The following B4GALT1 variants were observed in gnomAD, a reference collection of about 807,000 sequenced individuals.
The protein encoded by B4GALT1 is beta-1,4-galactosyltransferase 1.
B4GALT1 carries 16 observed loss-of-function variants against 34.9 expected under a neutral mutation model. The observed-to-expected ratio is 0.46, with a 90% CI of 0.31 to 0.70. B4GALT1 has a LOEUF of 0.70. B4GALT1 is among the 30% of genes least tolerant of loss of function. The pLI is 0.05. For missense variants in B4GALT1, 445 were observed against 530.5 expected, an observed-to-expected ratio of 0.84 and a Z score of 1.58; for synonymous variants, 221 against 218.1, an observed-to-expected ratio of 1.01 and a Z score of -0.12.
chr9:33,133,978 G>T (rs1564043885), intron 2 of B4GALT1, among the ~76,000 whole-genome samples: 1 of 152,168 alleles, frequency 6.6e-6, no homozygotes, highest in Non-Finnish European at 1.5e-5. Context: ...CCAAGCCATT[G>T]CTCTCTCTCC....
rs558603772 is a variant in B4GALT1 at position 33,116,029 on chromosome 9, A to G, written c.921T>C (p.Tyr307=). Residue 307 remains tyrosine (Y), a synonymous_variant, in exon 4 of 6, where the codon TAT becomes TAC. Transcript: ENST00000379731. The part of the protein sequence containing the change: ...FLTINGFPNN[Y]WGWGGEDDDI... ...CATCATCTTCTCCTCCCCAGCCCCA[A>G]TAATTATTAGGAAATCCATTGATGG... 14 of 1,613,078 alleles carry G rather than the reference A, an allele frequency of 8.7e-6. No homozygotes were observed. The highest frequency in any genetic ancestry group is 5.5e-5 in the South Asian group (5 of 91,072).
At chr9:33,107,817 A>C (rs1440635411), downstream of B4GALT1, among the ~76,000 whole-genome samples, 3 of 152,072 alleles carry the variant, frequency 2.0e-5, no homozygotes, top group African/African-American at 7.2e-5. Context: ...TTCCCTCCCC[A>C]AGGCTGCCAT....
intron 4 of B4GALT1, among the ~76,000 whole-genome samples, chr9:33,115,600 A>G (rs1287899876): frequency 1.3e-5 from 2 of 152,232 alleles, no homozygotes; most frequent in African/African-American, 4.8e-5. Context: ...TAAAAATATA[A>G]CACAAAGCTT....
downstream of B4GALT1, among the ~76,000 whole-genome samples, chr9:33,106,267 A>T (rs1364549288): frequency 6.6e-6 from 1 of 152,148 alleles, no homozygotes; most frequent in Non-Finnish European, 1.5e-5. Flanking sequence ...GAGCCTTCTT[A>T]AGGTCAGGAA....
chr9:33,121,904 G>C (rs1321589527), intron 2 of B4GALT1, among the ~76,000 whole-genome samples: 1 of 152,066 alleles, frequency 6.6e-6, no homozygotes, highest in East Asian at 1.9e-4. Context: ...GGGTAGAGTT[G>C]GGAATCTGGT....
upstream of B4GALT1, among the ~76,000 whole-genome samples, chr9:33,167,508 C>T (rs1344715818): frequency 3.3e-5 from 5 of 152,146 alleles, no homozygotes; most frequent in South Asian, 6.2e-4. Context: ...GGCGGGGCGC[C>T]GTCGTGGGGT....
chr9:33,184,003 C>CGCTGGGGCCT, the B4GALT1 span, among the ~76,000 whole-genome samples: 2 of 151,854 alleles, frequency 1.3e-5, no homozygotes. Context: ...GAACATCACA[C>CGCTGGGGCCT]GCTGGGGCCT....
the B4GALT1 span, chr9:33,179,182 G>T: frequency 6.6e-6 from 1 of 152,184 alleles, no homozygotes; most frequent in Admixed American, 6.6e-5. Context: ...CATGACAAAG[G>T]GACTGGATAT....
At chr9:33,183,230 A>G in the B4GALT1 span, among the ~76,000 whole-genome samples, 1 of 152,086 alleles carries the variant, frequency 6.6e-6, no homozygotes, top group African/African-American at 2.4e-5. Context: ...TTGCCTGCTC[A>G]TTAGATAGCT....
At chr9:33,146,203 A>G (rs1840423049) in intron 1 of B4GALT1, among the ~76,000 whole-genome samples, 1 of 152,230 alleles carries the variant, frequency 6.6e-6, no homozygotes, top group African/African-American at 2.4e-5. Flanking sequence ...TCAAGGGCAG[A>G]TTCCTCCTTC....
chr9:33,166,184 C>T (rs764650682), intron 1 of B4GALT1, among the ~76,000 whole-genome samples: 1 of 152,200 alleles, frequency 6.6e-6, no homozygotes, highest in African/African-American at 2.4e-5. Context: ...TTCACAATAT[C>T]TTCCAAAACA....
the B4GALT1 span, among the ~76,000 whole-genome samples, chr9:33,181,305 T>C: frequency 7.2e-5 from 11 of 151,908 alleles, no homozygotes; most frequent in Non-Finnish European, 1.0e-4. Flanking sequence ...GTGTCTGTAG[T>C]CACAACTACT....
At chr9:33,140,900 G>A (rs1840339785) in intron 1 of B4GALT1, among the ~76,000 whole-genome samples, 1 of 152,378 alleles carries the variant, frequency 6.6e-6, no homozygotes. Context: ...GGCTAGAAAT[G>A]AGAAGCACCA....
intron 3 of B4GALT1, among the ~76,000 whole-genome samples, chr9:33,120,040 TGCGCATGGTG>T (rs1268371571): frequency 6.6e-6 from 1 of 151,910 alleles, no homozygotes; most frequent in Non-Finnish European, 1.5e-5. Context: ...AAAAATTAGC[TGCGCATGGTG>T]GCAAGTGTTT....
chr9:33,162,499 G>A (rs752427154), intron 1 of B4GALT1, among the ~76,000 whole-genome samples: 36 of 152,124 alleles, frequency 2.4e-4, no homozygotes, highest in Non-Finnish European at 2.9e-5. Flanking sequence ...TAGCCGTCAC[G>A]GATATCCATA....
intron 1 of B4GALT1, among the ~76,000 whole-genome samples, chr9:33,140,859 G>A (rs560672554): frequency 3.3e-5 from 5 of 152,266 alleles, no homozygotes; most frequent in Non-Finnish European, 7.3e-5. Context: ...CAGCATTCTC[G>A]TGAAATCACG....
intron 4 of B4GALT1, among the ~76,000 whole-genome samples, chr9:33,114,109 C>T (rs769470743): frequency 2.6e-5 from 4 of 152,312 alleles, no homozygotes; most frequent in South Asian, 2.1e-4. Flanking sequence ...CTACCATGTG[C>T]CAGACACTGG....
upstream of B4GALT1, among the ~76,000 whole-genome samples, chr9:33,172,014 G>A (rs1001244052): frequency 1.3e-5 from 2 of 152,144 alleles, no homozygotes; most frequent in Non-Finnish European, 2.9e-5. Flanking sequence ...TAAGACTTCA[G>A]GTCCAAAGTA....
intron 4 of B4GALT1, among the ~76,000 whole-genome samples, chr9:33,114,862 C>T (rs1839916939): frequency 6.6e-6 from 1 of 152,232 alleles, no homozygotes; most frequent in South Asian, 2.1e-4. Flanking sequence ...ACCCATCCTT[C>T]TAGTGCCACT....
Sources: gnomAD v4.1 joint callset for allele counts (sites outside exome capture counted in the v4.1 genomes callset) on GRCh38, gnomAD v4.1.1 for gene constraint, MANE v1.5 for transcripts, NCBI Gene and HGNC (gene_info 2026-07-23, HGNC 2026-07-21) for gene names.